The following SCUBE1 variants were observed in gnomAD, a reference collection of about 807,000 sequenced individuals.
The protein encoded by SCUBE1 is signal peptide, CUB domain and EGF like domain containing 1.
Under a neutral mutation model 124.4 loss-of-function variants are expected in SCUBE1, and 59 were observed. The observed-to-expected ratio is 0.47, with a 90% confidence interval of 0.38 to 0.59. SCUBE1 has a LOEUF of 0.59. Among genes scored for constraint, SCUBE1 ranks in the 20% least tolerant of loss-of-function variants. SCUBE1 has a pLI of 0.00. For synonymous variants in SCUBE1, 545 were observed against 550.9 expected (o/e 0.99, Z 0.15); for missense variants, 1,150 against 1,371.2 (o/e 0.84, Z 2.55).
chr22:43,316,537 C>T (rs1398561710), intron 3 of SCUBE1, among the ~76,000 whole-genome samples: 1 of 152,198 alleles, frequency 6.6e-6, no homozygotes, highest in East Asian at 1.9e-4. Flanking sequence ...GCACGATCAA[C>T]GTTGTGTGGT....
intron 21 of SCUBE1, among the ~76,000 whole-genome samples, chr22:43,206,155 C>G (rs1921264491): frequency 7.9e-6 from 1 of 126,946 alleles, no homozygotes; most frequent in Non-Finnish European, 1.7e-5. Context: ...TCACCACACA[C>G]CCCCCCAAAC....
chr22:43,268,707 T>G (rs1924172374), intron 4 of SCUBE1, among the ~76,000 whole-genome samples: 1 of 152,234 alleles, frequency 6.6e-6, no homozygotes, highest in Non-Finnish European at 1.5e-5. Context: ...GTGCTAAATG[T>G]GCAGCCCCAG....
Position 43,286,376 on chromosome 22 carries a change from T to G in SCUBE1, c.484+4670A>C, listed in dbSNP as rs1925144137. Among the ~76,000 whole-genome samples the G allele has an allele frequency of 3.9e-5, 6 of 152,224 alleles. No homozygotes were observed. The South Asian group carries it at 1.2e-3, about 32-fold the overall frequency. Reference sequence around the variant, plus strand: ...TACAATGATGGAGACAATGCGACGTTTCCTCTCACTTTGGTGCCTTCCACC... The same window carrying G: ...TACAATGATGGAGACAATGCGACGTGTCCTCTCACTTTGGTGCCTTCCACC... On this transcript the variant is annotated intron_variant, in intron 4 of 21. Coordinates refer to ENST00000360835, the MANE Select transcript of SCUBE1 (RefSeq NM_173050.5).
At chr22:43,307,029 G>A (rs1287971698) in intron 3 of SCUBE1, among the ~76,000 whole-genome samples, 2 of 152,230 alleles carry the variant, frequency 1.3e-5, no homozygotes, top group Admixed American at 6.5e-5. Context: ...ATTCTACCCC[G>A]TTACCCTGCC....
intron 6 of SCUBE1, among the ~76,000 whole-genome samples, chr22:43,248,424 A>G (rs1017304569): frequency 2.0e-5 from 3 of 151,838 alleles, no homozygotes; most frequent in African/African-American, 7.3e-5. Context: ...CTCCACCCAC[A>G]CTCCAGCCCT....
At chr22:43,228,758 A>G (rs1922428304) in intron 9 of SCUBE1, among the ~76,000 whole-genome samples, 1 of 151,364 alleles carries the variant, frequency 6.6e-6, no homozygotes, top group African/African-American at 2.4e-5. Flanking sequence ...TGGAATTTCC[A>G]TGTATTGGTG....
chr22:43,325,204 G>A (rs1232937509), intron 2 of SCUBE1, among the ~76,000 whole-genome samples: 1 of 151,956 alleles, frequency 6.6e-6, no homozygotes, highest in Non-Finnish European at 1.5e-5. Context: ...CCAGCCAGTG[G>A]TTGCATTCAA....
In SCUBE1 at chr22:43,258,342, A is replaced by G; in HGVS notation, c.611-7T>C. 1.9e-6 allele frequency: 3 copies of G among 1,596,690 alleles called. No homozygotes were observed. Among genetic ancestry groups the G allele is most frequent in the Non-Finnish European group, 2.6e-6 (3 of 1,164,100 alleles). ...TTTCCATAATTACAGGTTACTAGTT[A>G]GGCCCAAAGTGTACACACGGGTGTA... On this transcript the variant is annotated splice_region_variant and splice_polypyrimidine_tract_variant and intron_variant, in intron 5 of 21. Coordinates refer to ENST00000360835, the MANE Select transcript of SCUBE1 (RefSeq NM_173050.5). This position sits in a 1 kb window ranked among gnomAD's most constrained non-coding sequence, Gnocchi z 5.0.
At chr22:43,334,836 A>G (rs568141654) in intron 2 of SCUBE1, among the ~76,000 whole-genome samples, 4 of 152,248 alleles carry the variant, frequency 2.6e-5, no homozygotes, top group African/African-American at 7.2e-5. Flanking sequence ...TTCTCACACT[A>G]TCTGTATGAA....
chr22:43,285,703 C>T (rs1925112414), intron 4 of SCUBE1, among the ~76,000 whole-genome samples: 1 of 152,114 alleles, frequency 6.6e-6, no homozygotes, highest in African/African-American at 2.4e-5. Flanking sequence ...CTGGTGCTCC[C>T]TCTGTGTTGT....
intron 4 of SCUBE1, among the ~76,000 whole-genome samples, chr22:43,274,179 C>T (rs1924407162): frequency 6.6e-6 from 1 of 152,208 alleles, no homozygotes; most frequent in Non-Finnish European, 1.5e-5. Flanking sequence ...GCTTTACTCC[C>T]TCAAGGCCCG....
At chr22:43,341,526 C>T (rs1324190060) in intron 1 of SCUBE1, among the ~76,000 whole-genome samples, 1 of 152,212 alleles carries the variant, frequency 6.6e-6, no homozygotes, top group African/African-American at 2.4e-5. Context: ...CCTAATCTCC[C>T]ACCTAGGCAG....
At chr22:43,322,646 C>T (rs1038799844) in intron 2 of SCUBE1, among the ~76,000 whole-genome samples, 1 of 152,190 alleles carries the variant, frequency 6.6e-6, no homozygotes, top group African/African-American at 2.4e-5. Flanking sequence ...TGTTCCCTCC[C>T]TCCTTTCCTC....
At chr22:43,244,385 G>A (rs1161440897) in intron 6 of SCUBE1, among the ~76,000 whole-genome samples, 1 of 152,370 alleles carries the variant, frequency 6.6e-6, no homozygotes, top group Admixed American at 6.5e-5. Flanking sequence ...GCAGCGTCAA[G>A]GTGACCAGCA....
At chr22:43,294,367 A>G (rs554153144) in intron 3 of SCUBE1, among the ~76,000 whole-genome samples, 1 of 152,230 alleles carries the variant, frequency 6.6e-6, no homozygotes, top group Non-Finnish European at 1.5e-5. Context: ...AAGAGCATCC[A>G]ACTGCAGCAG....
At chr22:43,321,095 G>A (rs1474226635) in intron 2 of SCUBE1, among the ~76,000 whole-genome samples, 1 of 152,224 alleles carries the variant, frequency 6.6e-6, no homozygotes, top group African/African-American at 2.4e-5. Context: ...CCCCCACAGG[G>A]GAACTGGAAC....
At chr22:43,336,957 C>CTG (rs34868094) in intron 2 of SCUBE1, among the ~76,000 whole-genome samples, 8,669 of 150,388 alleles carry the variant, frequency 0.058, 333 homozygotes, top group African/African-American at 0.098. Context: ...GTGTGTATGT[C>CTG]TGTGTGTGTG....
At chr22:43,332,153 T>C (rs11090152) in intron 2 of SCUBE1, among the ~76,000 whole-genome samples, 53,959 of 151,764 alleles carry the variant, frequency 0.36, 10,273 homozygotes, top group East Asian at 0.53. Flanking sequence ...CTGGGCATGG[T>C]GGTGCGCACC....
chr22:43,335,045 AAC>A (rs1927019353), intron 2 of SCUBE1, among the ~76,000 whole-genome samples: 1 of 152,190 alleles, frequency 6.6e-6, no homozygotes, highest in Admixed American at 6.5e-5. Flanking sequence ...CACCTGCAGA[AAC>A]ACAGTGTGGA....
Sources: gnomAD v4.1 joint callset for allele counts (sites outside exome capture counted in the v4.1 genomes callset) on GRCh38, gnomAD v4.1.1 for gene constraint, Gnocchi (gnomAD v3.1) non-coding constraint, MANE v1.5 for transcripts, NCBI Gene and HGNC (gene_info 2026-07-23, HGNC 2026-07-21) for gene names.